Variants in AGBL5 observed in about 807,000 individuals in gnomAD.
AGBL5 encodes AGBL carboxypeptidase 5, also known as cytosolic carboxypeptidase-like protein 5.
AGBL5 carries 51 observed loss-of-function variants against 88.0 expected under a neutral mutation model. The observed-to-expected ratio is 0.58, with a 90% CI of 0.46 to 0.73. The LOEUF (loss-of-function observed/expected upper bound fraction) is 0.73, where lower values mean the gene tolerates loss of function less well. AGBL5 is among the 30% of genes least tolerant of loss of function. AGBL5 has a pLI of 0.00. For synonymous variants in AGBL5, 446 were observed against 438.8 expected (o/e 1.02, Z -0.21); for missense variants, 1,031 against 1,162.2 (o/e 0.89, Z 1.64).
In AGBL5 at chr2:27,070,429, A is replaced by G. The variant is rs562016385; in HGVS notation, c.*166A>G. The G allele has an allele frequency of 2.8e-5, 18 of 653,196 alleles. 1 individual carries two copies. The highest frequency in any genetic ancestry group is 1.6e-4 in the African/African-American group (9 of 55,304). The allele number at this position is 653,196 out of a possible 1,614,324, so 40.5% of individuals were successfully genotyped here. ...CAGAGTATCACCTTGAGACAGAACA[A>G]AACAGGGACCTGCCACCCCTTCCCT... On this transcript the variant is annotated 3_prime_UTR_variant, in exon 15 of 15. Transcript: ENST00000360131.
At position 27,053,818 on chromosome 2, in the gene AGBL5, C is replaced by A; in HGVS notation, c.388-78C>A. On this transcript the variant is annotated intron_variant, in intron 3 of 14. Coordinates refer to ENST00000360131, the MANE Select transcript of AGBL5 (RefSeq NM_021831.6). The surrounding 1 kb of genome is among the most constrained non-coding windows in gnomAD (Gnocchi z 4.9). ...GGTAAAGGTGATAAGGGTGTGAGGT[C>A]AGTTCCTGGTGGTCCCAGTAGGAGC... 1 of 1,522,910 alleles carries A rather than the reference C, an allele frequency of 6.6e-7. No individual in the cohort carries two copies. Among genetic ancestry groups the A allele is most frequent in the South Asian group, 1.3e-5 (1 of 77,360 alleles). 94.3% of individuals were successfully genotyped at this position (1,522,910 alleles called of 1,614,324 possible). A position where few individuals can be genotyped will look rare whatever the true frequency, so the allele number is the denominator to read the frequency against.
In AGBL5 at chr2:27,054,062, G is replaced by A. The variant is rs1302025959; in HGVS notation, c.551+3G>A. 5 of 1,608,582 alleles carry A rather than the reference G, an allele frequency of 3.1e-6. No individual in the cohort carries two copies. The African/African-American group carries it at 5.3e-5, about 17-fold the overall frequency. On this transcript the variant is annotated splice_donor_region_variant and intron_variant, in intron 4 of 14. Coordinates refer to ENST00000360131, the MANE Select transcript of AGBL5 (RefSeq NM_021831.6). Reference sequence around the variant, plus strand: ...GAGAACCACCCTACCCATAGCAGGTGCCAGCCCCATTCTTACTCCTGCCAC... The same window carrying A: ...GAGAACCACCCTACCCATAGCAGGTACCAGCCCCATTCTTACTCCTGCCAC...
rs1668387962 is a variant in AGBL5, at chr2:27,055,620, A to T, written c.909-62A>T. 20 of 1,463,012 alleles carry T rather than the reference A, an allele frequency of 1.4e-5. 1 individual carries two copies. In the South Asian group the frequency reaches 2.5e-4, roughly 18 times the overall value. The allele number at this position is 1,463,012 out of a possible 1,614,324, so 90.6% of individuals were successfully genotyped here. On this transcript the variant is annotated intron_variant, in intron 6 of 14. Coordinates refer to ENST00000360131, the MANE Select transcript of AGBL5 (RefSeq NM_021831.6). ...CTCCTACGGTCTCCTTTTCATCTACACTAGTGTCTCCTTCACTGGCCCAGT... is the reference window on the plus strand; with the variant it reads ...CTCCTACGGTCTCCTTTTCATCTACTCTAGTGTCTCCTTCACTGGCCCAGT...
At chr2:27,051,173 A>C (rs1668096861), upstream of AGBL5, 1 of 152,284 alleles carries the variant, frequency 6.6e-6, no homozygotes, top group Non-Finnish European at 1.5e-5. Flanking sequence ...TGAACAGTGC[A>C]GTGAACCTGT....
Position 27,053,987 on chromosome 2 carries a change from C to G in AGBL5, c.479C>G (p.Ser160Cys). 1 of 1,614,174 alleles carries G rather than the reference C, an allele frequency of 6.2e-7. No individual in the cohort carries two copies. Among genetic ancestry groups the G allele is most frequent in the Non-Finnish European group, 8.5e-7 (1 of 1,179,996 alleles). The change falls in exon 4 of 15, where the codon TCC (serine) becomes TGC (cysteine). Residue 160 changes from serine to cysteine, a missense_variant. This residue lies in a region of AGBL5 where 540 missense variants were observed against 678.2 expected (regional missense o/e 0.80). Transcript: ENST00000360131. This position sits in a 1 kb window ranked among gnomAD's most constrained non-coding sequence, Gnocchi z 4.9. ...TTFFAFCYPFSYSDCQELLNQ... is the reference protein window; with the variant it reads ...TTFFAFCYPFCYSDCQELLNQ... Reference sequence around the variant, plus strand: ...TTCTTCGCCTTCTGCTACCCCTTCTCCTACAGTGACTGCCAGGAACTGCTA... The same window carrying G: ...TTCTTCGCCTTCTGCTACCCCTTCTGCTACAGTGACTGCCAGGAACTGCTA...
At chr2:27,058,704 T>G in intron 10 of AGBL5, 102 bp downstream of exon 10, 1 of 1,283,880 alleles carries the variant, frequency 7.8e-7, no homozygotes, top group Non-Finnish European at 1.1e-6. Context: ...CTCCTCAAAG[T>G]GCCAAATGGC....
Position 27,069,595 on chromosome 2 carries a change from G to A in AGBL5, c.2378G>A (p.Gly793Asp), listed in dbSNP as rs369610659. ...CAGGCTAGGCCCAGGTTGGGCCGGG[G>A]CTCACCGCCGACTCGCAGAGGGATG... The part of the protein sequence containing the change: ...RLQARPRLGR[G>D]SPPTRRGMKG... Residue 793 changes from glycine to aspartate, a missense_variant, in exon 14 of 15, where the codon GGC (glycine) becomes GAC (aspartate). This residue lies in a region of AGBL5 where 491 missense variants were observed against 484.0 expected (regional missense o/e 1.01). Coordinates refer to ENST00000360131, the MANE Select transcript of AGBL5 (RefSeq NM_021831.6). The A allele has an allele frequency of 6.2e-7, 1 of 1,614,144 alleles. No individual in the cohort carries two copies. The highest frequency in any genetic ancestry group is 8.5e-7 in the Non-Finnish European group (1 of 1,179,982).
chr2:27,061,567 C>G (rs1038061278), intron 11 of AGBL5: 4 of 152,076 alleles, frequency 2.6e-5, no homozygotes, highest in Admixed American at 1.3e-4. Context: ...CGGGTTTCAC[C>G]ATGTTGGCCA....
upstream of AGBL5, among the ~76,000 whole-genome samples, chr2:27,051,193 G>A (rs961526394): frequency 6.6e-6 from 1 of 152,156 alleles, no homozygotes; most frequent in Non-Finnish European, 1.5e-5. Context: ...TAAGGCAAAG[G>A]GAAAGAACTA....
At chr2:27,065,260 G>T (rs1228721372) in intron 11 of AGBL5, among the ~76,000 whole-genome samples, 2 of 152,190 alleles carry the variant, frequency 1.3e-5, no homozygotes, top group Non-Finnish European at 2.9e-5. Flanking sequence ...GGCACCTGCT[G>T]TTCCTCTGTG....
rs72852989 is a variant in AGBL5, at chr2:27,058,171, G to A, written c.1672-229G>A. Reference sequence around the variant, plus strand: ...CTTCATGGCACCAGCCAGAAAGAAAGGACACACTTTGCCCCTCATAATGGA... The same window carrying A: ...CTTCATGGCACCAGCCAGAAAGAAAAGACACACTTTGCCCCTCATAATGGA... On this transcript the variant is annotated intron_variant, in intron 9 of 14. Coordinates refer to ENST00000360131, the MANE Select transcript of AGBL5 (RefSeq NM_021831.6). Among the ~76,000 whole-genome samples, 565 of 152,298 alleles carry A rather than the reference G, an allele frequency of 3.7e-3. 4 individuals carry two copies. The highest frequency in any genetic ancestry group is 0.011 in the African/African-American group (463 of 41,562).
chr2:27,059,115 G>A, intron 10 of AGBL5, 75 bp from the exon 11 acceptor site: 2 of 1,430,284 alleles, frequency 1.4e-6, no homozygotes, highest in Non-Finnish European at 1.9e-6. Context: ...AAGCTTTACT[G>A]AGCAGCAGAT....
chr2:27,059,162 G>A (rs372167424), intron 10 of AGBL5, 28 bp from the exon 11 acceptor site: 76 of 1,604,594 alleles, frequency 4.7e-5, no homozygotes, highest in Middle Eastern at 3.3e-4. Context: ...TTCCTGGCCC[G>A]GGTTAACTGG....
chr2:27,067,785 T>A lies in AGBL5; in HGVS notation c.2242+139T>A, dbSNP rs766791064. The A allele has an allele frequency of 4.1e-5, 39 of 940,460 alleles. No individual in the cohort carries two copies. The Admixed American group carries it at 6.9e-4, about 17-fold the overall frequency. 58.3% of individuals were successfully genotyped at this position (940,460 alleles called of 1,614,324 possible). A position where few individuals can be genotyped will look rare whatever the true frequency, so the allele number is the denominator to read the frequency against. ...AACCTCTAACACTGGTGCCTTTGTA[T>A]AGGAAGCTGGAATTTATTAATGTGT... On this transcript the variant is annotated intron_variant, in intron 12 of 14. Transcript: ENST00000360131.
chr2:27,053,241 T>C lies in AGBL5; in HGVS notation c.215+68T>C, dbSNP rs936608865. On this transcript the variant is annotated intron_variant, in intron 2 of 14. Coordinates refer to ENST00000360131, the MANE Select transcript of AGBL5 (RefSeq NM_021831.6). This position sits in a 1 kb window ranked among gnomAD's most constrained non-coding sequence, Gnocchi z 4.9. Reference sequence around the variant, plus strand: ...ATGCTTCAGTTAGCCCTCTGACTTATCTGTTCATACCCAGCATACTCCCTG... The same window carrying C: ...ATGCTTCAGTTAGCCCTCTGACTTACCTGTTCATACCCAGCATACTCCCTG... 3.1e-5 allele frequency: 47 copies of C among 1,529,230 alleles called. No homozygotes were observed. Among genetic ancestry groups the C allele is most frequent in the Admixed American group, 1.1e-4 (6 of 52,280 alleles). 94.7% of individuals were successfully genotyped at this position (1,529,230 alleles called of 1,614,324 possible). A position where few individuals can be genotyped will look rare whatever the true frequency, so the allele number is the denominator to read the frequency against.
chr2:27,067,361 G>A (rs950106493), intron 11 of AGBL5, 133 bp from the exon 12 acceptor site: 3 of 782,920 alleles, frequency 3.8e-6, no homozygotes, highest in Non-Finnish European at 6.3e-6. Context: ...GTTACTTCAG[G>A]AGAGGGATGT....
intron 4 of AGBL5, 64 bp downstream of exon 4, chr2:27,054,123 G>T: frequency 6.6e-7 from 1 of 1,517,476 alleles, no homozygotes; most frequent in Non-Finnish European, 8.9e-7. Flanking sequence ...CACTACTTCT[G>T]GAATTTGCTC....
chr2:27,055,643 A>G (rs1558414562), intron 6 of AGBL5, 39 bp from the exon 7 acceptor site: 5 of 1,578,388 alleles, frequency 3.2e-6, no homozygotes, highest in South Asian at 2.3e-5. Context: ...TCACTGGCCC[A>G]GTCCTCTAGA....
chr2:27,057,179 A>G, intron 8 of AGBL5, 124 bp from the exon 9 acceptor site: 3 of 1,099,434 alleles, frequency 2.7e-6, no homozygotes, highest in South Asian at 3.1e-5. Context: ...ATGGATTATT[A>G]GCACTTTCAT....
Sources: gnomAD v4.1 joint callset for allele counts (sites outside exome capture counted in the v4.1 genomes callset) on GRCh38, gnomAD v4.1.1 for gene constraint, gnomAD v4.1.1 regional missense constraint, Gnocchi (gnomAD v3.1) non-coding constraint, MANE v1.5 for transcripts, NCBI Gene and HGNC (gene_info 2026-07-23, HGNC 2026-07-21) for gene names.